XPC: variants seen among roughly 807,000 people sequenced by gnomAD.
The protein encoded by XPC is XPC complex subunit, DNA damage recognition and repair factor, also known as DNA repair protein complementing XP-C cells.
In XPC, 76 loss-of-function variants were observed where a neutral mutation model predicts 95.8. That is an observed-to-expected ratio of 0.79 (90% CI 0.66 to 0.96). XPC has a LOEUF of 0.96. Ranked by LOEUF, XPC falls within the 40% of genes least tolerant of loss-of-function variation. XPC has a pLI of 0.00. For synonymous variants in XPC, 442 were observed against 442.1 expected, an observed-to-expected ratio of 1.00 and a Z score of 0.00; for missense variants, 1,146 against 1,179.8, an observed-to-expected ratio of 0.97 and a Z score of 0.42.
chr3:14,158,250 C>T lies in XPC; in HGVS notation c.1633G>A (p.Val545Ile), dbSNP rs1029480184. 1.2e-6 allele frequency: 2 copies of T among 1,614,034 alleles called. No individual in the cohort carries two copies. Among genetic ancestry groups the T allele is most frequent in the East Asian group, 4.5e-5 (2 of 44,880 alleles). ...CCCACCACACCGTGCACACAGTCTA[C>T]ACATACCCACTTTTCCTCCTGCTCA... ...FCEQEEKWVC[V>I]DCVHGVVGQP... The change falls in exon 9 of 16, where the codon GTA (valine) becomes ATA (isoleucine). Residue 545 changes from valine to isoleucine, a missense_variant. By Grantham distance (29) the Val-to-Ile change is conservative. Coordinates refer to ENST00000285021, the MANE Select transcript of XPC (RefSeq NM_004628.5). This position sits in a 1 kb window ranked among gnomAD's most constrained non-coding sequence, Gnocchi z 5.2.
intron 3 of XPC, among the ~76,000 whole-genome samples, chr3:14,168,768 TACC>T (rs112350267): frequency 1.3e-5 from 2 of 152,174 alleles, no homozygotes; most frequent in African/African-American, 4.8e-5. Context: ...TATTCTGTAT[TACC>T]ACAATAACAA....
intron 10 of XPC, 178 bp from the exon 11 acceptor site, chr3:14,152,594 T>A: frequency 1.8e-6 from 1 of 546,772 alleles, no homozygotes. Context: ...GAACGTGGAC[T>A]GCCTGTCTTT....
chr3:14,171,767 G>A (rs556804439), intron 2 of XPC, among the ~76,000 whole-genome samples: 3 of 152,120 alleles, frequency 2.0e-5, no homozygotes, highest in South Asian at 4.1e-4. Context: ...AGGTTGCAGT[G>A]AGCCAAGATT....
At chr3:14,157,740 A>T (rs1695976822) in intron 9 of XPC, among the ~76,000 whole-genome samples, 1 of 152,120 alleles carries the variant, frequency 6.6e-6, no homozygotes. Flanking sequence ...AAAGCTCCAA[A>T]TTTATAACTG....
chr3:14,168,293 A>G lies in XPC; in HGVS notation c.500T>C (p.Ile167Thr), dbSNP rs772564330. 2.5e-6 allele frequency: 4 copies of G among 1,613,338 alleles called. No homozygotes were observed. Among genetic ancestry groups the G allele is most frequent in the South Asian group, 2.2e-5 (2 of 91,018 alleles). ...LLPVKPVEIE[I>T]ETPEQAKTRE... is the part of the protein sequence containing the mutation. ...TGTCTTCGCCTGCTCTGGCGTTTCA[A>G]TCTCTATCTCCACTGGCTTCACAGG... Residue 167 changes from isoleucine to threonine, a missense_variant, in exon 4 of 16, where the codon ATT (isoleucine) becomes ACT (threonine). Coordinates refer to ENST00000285021, the MANE Select transcript of XPC (RefSeq NM_004628.5).
At chr3:14,148,537 C>T (rs1695541364) in intron 13 of XPC, 25 bp downstream of exon 13, 3 of 1,612,252 alleles carry the variant, frequency 1.9e-6, no homozygotes, top group African/African-American at 1.3e-5. Context: ...CTGTGTTTAG[C>T]CTCCATCGAA....
In XPC at chr3:14,146,102, C is replaced by T. The variant is rs955853557; in HGVS notation, c.2662G>A (p.Glu888Lys). Residue 888 changes from glutamate (E) to lysine (K), a missense_variant, in exon 16 of 16, where the codon GAG becomes AAG. Coordinates refer to ENST00000285021, the MANE Select transcript of XPC (RefSeq NM_004628.5). Reference sequence around the variant, plus strand: ...GCTTCTGCTTGAGAGCTGGTCCCCTCCTCTTCATCAGAAGAGAGTCCACCT... The same window carrying T: ...GCTTCTGCTTGAGAGCTGGTCCCCTTCTCTTCATCAGAAGAGAGTCCACCT... Reference protein sequence around the residue: ...AGGGLSSDEEEGTSSQAEAAR... With the variant: ...AGGGLSSDEEKGTSSQAEAAR... The T allele has an allele frequency of 2.5e-6, 4 of 1,611,996 alleles. No individual in the cohort carries two copies. In the African/African-American group the frequency reaches 5.4e-5, roughly 22 times the overall value.
chr3:14,156,340 G>A lies in XPC; in HGVS notation c.2028C>T (p.Tyr676=), dbSNP rs2228004. 1.7e-3 allele frequency: 2,690 copies of A among 1,613,602 alleles called. 34 individuals are homozygous for A. In the African/African-American group the frequency reaches 0.024, roughly 15 times the overall value. The change falls in exon 10 of 16, where the codon TAC becomes TAT. Residue 676 remains tyrosine (Y), a synonymous_variant. Transcript: ENST00000285021. The part of the protein sequence containing the change: ...ILGYCRGEAV[Y]SRDCVHTLHS... Reference sequence around the variant, plus strand: ...AACCAGGCTGCCTCACGCACCTGGAGTAGACCGCTTCTCCACGACAATACC... The same window carrying A: ...AACCAGGCTGCCTCACGCACCTGGAATAGACCGCTTCTCCACGACAATACC...
At chr3:14,171,711 C>T (rs1382342954) in intron 2 of XPC, among the ~76,000 whole-genome samples, 1 of 152,096 alleles carries the variant, frequency 6.6e-6, no homozygotes, top group Non-Finnish European at 1.5e-5. Flanking sequence ...TGGTGGGCAC[C>T]TACAGTCCCA....
Position 14,158,571 on chromosome 3 carries a change from C to T in XPC, c.1312G>A (p.Glu438Lys). The T allele has an allele frequency of 1.2e-6, 2 of 1,613,608 alleles. No homozygotes were observed. The highest frequency in any genetic ancestry group is 1.7e-6 in the Non-Finnish European group (2 of 1,179,874). ...TCAAAATCAGAGCCGCTGCCAGCCT[C>T]ATCACTCCCACTCTCCTCTTTATAA... ...VSYKEESGSD[E>K]AGSGSDFELS... Residue 438 changes from glutamate to lysine, a missense_variant, in exon 9 of 16, where the codon GAG becomes AAG. Coordinates refer to ENST00000285021, the MANE Select transcript of XPC (RefSeq NM_004628.5). This position sits in a 1 kb window ranked among gnomAD's most constrained non-coding sequence, Gnocchi z 5.2.
intron 14 of XPC, 29 bp downstream of exon 14, chr3:14,147,879 C>A (rs746614797): frequency 6.4e-7 from 1 of 1,564,630 alleles, no homozygotes; most frequent in Non-Finnish European, 8.7e-7. Flanking sequence ...CCCGCTTCTG[C>A]TGTCCCTCAG....
chr3:14,148,328 C>T, intron 13 of XPC: 1 of 644,594 alleles, frequency 1.6e-6, no homozygotes, highest in South Asian at 2.2e-5. Context: ...AGTCCCTAAA[C>T]CTGGGAAGAA....
intron 6 of XPC, 70 bp downstream of exon 6, chr3:14,165,358 T>C: frequency 2.0e-6 from 3 of 1,498,994 alleles, no homozygotes; most frequent in Admixed American, 2.1e-5. Context: ...GGAAGTGACC[T>C]GAACCCAGCC....
intron 7 of XPC, among the ~76,000 whole-genome samples, chr3:14,162,184 G>A (rs920140746): frequency 3.3e-5 from 5 of 152,160 alleles, no homozygotes; most frequent in Admixed American, 1.3e-4. Context: ...TTATGGACTG[G>A]AAGACCTAAT....
chr3:14,157,976 C>G, intron 9 of XPC, 35 bp downstream of exon 9: 1 of 1,560,276 alleles, frequency 6.4e-7, no homozygotes, highest in Non-Finnish European at 8.7e-7. Flanking sequence ...AATAACCTGA[C>G]TGTGTCTTGG....
intron 2 of XPC, among the ~76,000 whole-genome samples, chr3:14,170,841 T>G (rs1431992658): frequency 4.6e-5 from 7 of 152,184 alleles, no homozygotes; most frequent in Non-Finnish European, 7.3e-5. Context: ...AAGGAAAAAT[T>G]AGAAGACACC....
chr3:14,168,549 G>A (rs1485163208), intron 3 of XPC, among the ~76,000 whole-genome samples, 169 bp from the exon 4 acceptor site: 3 of 151,604 alleles, frequency 2.0e-5, no homozygotes, highest in Admixed American at 6.6e-5. Context: ...ACCATGTGCC[G>A]GGCAGTGTGC....
chr3:14,170,102 C>T (rs1048808762), intron 3 of XPC, among the ~76,000 whole-genome samples: 1 of 152,246 alleles, frequency 6.6e-6, no homozygotes, highest in Non-Finnish European at 1.5e-5. Context: ...GATTAAATTA[C>T]TCACTCACAC....
At position 14,172,892 on chromosome 3, in the gene XPC, C is replaced by A; in HGVS notation, c.274G>T (p.Ala92Ser). Residue 92 changes from alanine (A) to serine (S), a missense_variant, in exon 2 of 16, where the codon GCC becomes TCC. Coordinates refer to ENST00000285021, the MANE Select transcript of XPC (RefSeq NM_004628.5). ...CTGAGGTCATCCCCATCGCTGAGGGCTTCATCCTTTATAACCTTGAGGTTT... is the reference window on the plus strand; with the variant it reads ...CTGAGGTCATCCCCATCGCTGAGGGATTCATCCTTTATAACCTTGAGGTTT... Reference protein sequence around the residue: ...SENLKVIKDEALSDGDDLRDF... With the variant: ...SENLKVIKDESLSDGDDLRDF... 6.2e-7 allele frequency: 1 copy of A among 1,613,986 alleles called. No individual in the cohort carries two copies.
Sources: allele counts gnomAD v4.1 joint callset (sites outside exome capture counted in the v4.1 genomes callset), GRCh38; gene constraint gnomAD v4.1.1; non-coding constraint Gnocchi (gnomAD v3.1); transcripts MANE v1.5; gene names NCBI Gene and HGNC (gene_info 2026-07-23, HGNC 2026-07-21).